CRLS1: variants seen among roughly 807,000 people sequenced by gnomAD.
CRLS1 encodes the protein cardiolipin synthase (CMP-forming).
A neutral mutation model predicts 37.0 loss-of-function variants in CRLS1; 24 were observed. That is an observed-to-expected ratio of 0.65 (90% CI 0.47 to 0.91). The LOEUF is 0.91. CRLS1 is among the 40% of genes least tolerant of loss of function. The probability of loss-of-function intolerance (pLI) is 0.00; values close to 1 mark genes in which losing one functional copy is unlikely to be tolerated. For missense variants in CRLS1, 373 were observed against 395.8 expected (o/e 0.94, Z 0.49); for synonymous variants, 135 against 159.7 (o/e 0.85, Z 1.17).
At chr20:6,035,028 G>C (rs1754275838) in intron 6 of CRLS1, among the ~76,000 whole-genome samples, 1 of 152,178 alleles carries the variant, frequency 6.6e-6, no homozygotes, top group Non-Finnish European at 1.5e-5. Flanking sequence ...TATACTAATT[G>C]CTTATTTATC....
chr20:6,008,871 C>CT (rs1445324761), intron 1 of CRLS1, among the ~76,000 whole-genome samples: 4 of 152,162 alleles, frequency 2.6e-5, no homozygotes, highest in African/African-American at 9.7e-5. Context: ...GACACTTTTA[C>CT]TTGTAAGTAG....
intron 3 of CRLS1, among the ~76,000 whole-genome samples, chr20:6,029,948 T>C (rs1274480130): frequency 1.3e-5 from 2 of 152,220 alleles, no homozygotes; most frequent in African/African-American, 4.8e-5. Context: ...TTTCTTCAGA[T>C]TGCAGAGCCA....
intron 5 of CRLS1, among the ~76,000 whole-genome samples, chr20:6,032,381 T>C (rs1354493244): frequency 6.6e-6 from 1 of 151,640 alleles, no homozygotes. Flanking sequence ...TTTTTTTTTT[T>C]TGAGACAAGG....
intron 2 of CRLS1, among the ~76,000 whole-genome samples, chr20:6,011,571 G>GCCTTTTTTTTTTTTTT (rs201052934): frequency 2.3e-5 from 1 of 42,624 alleles, no homozygotes; most frequent in African/African-American, 6.6e-5. Flanking sequence ...TTTTGTCCCT[G>GCCTTTTTTTTTTTTTT]CTTTTTTTTT....
chr20:6,012,567 C>T (rs1306476120), intron 2 of CRLS1, among the ~76,000 whole-genome samples: 4 of 152,128 alleles, frequency 2.6e-5, no homozygotes, highest in Non-Finnish European at 4.4e-5. Flanking sequence ...AAACCAGGTT[C>T]ATGGAAATGA....
chr20:6,009,710 T>C, intron 1 of CRLS1, 65 bp from the exon 2 acceptor site: 1 of 1,354,444 alleles, frequency 7.4e-7, no homozygotes. Context: ...CTAATGTATG[T>C]ATATAGTTAT....
chr20:6,027,501 A>G (rs769228624), intron 3 of CRLS1, among the ~76,000 whole-genome samples: 16 of 151,722 alleles, frequency 1.1e-4, no homozygotes, highest in Non-Finnish European at 1.8e-4. Context: ...TCTGCCTCCC[A>G]ATAACTTTCA....
Position 6,039,926 on chromosome 20 carries a change from GAT to G in CRLS1, c.*2769_*2770del, listed in dbSNP as rs1980865751. 6.6e-6 allele frequency: 1 copy of G among 152,168 alleles called. No homozygotes were observed. Among genetic ancestry groups the G allele is most frequent in the Non-Finnish European group, 1.5e-5 (1 of 68,020 alleles). 9.4% of individuals were successfully genotyped at this position (152,168 alleles called of 1,614,324 possible). A position where few individuals can be genotyped will look rare whatever the true frequency, so the allele number is the denominator to read the frequency against. On this transcript the variant is annotated 3_prime_UTR_variant, in exon 7 of 7. Coordinates refer to ENST00000378863, the MANE Select transcript of CRLS1 (RefSeq NM_019095.6). ...GAGGAACCAACCCCACTGATGCTTT[GAT>G]TTGGGATTTCCGGCCTGAACTGTAG...
intron 2 of CRLS1, among the ~76,000 whole-genome samples, chr20:6,012,041 T>C (rs79912713): frequency 0.018 from 2,780 of 151,970 alleles, 84 homozygotes; most frequent in African/African-American, 0.062. Flanking sequence ...TTTTTTTTTT[T>C]CTTGTAAGCT....
intron 6 of CRLS1, among the ~76,000 whole-genome samples, chr20:6,036,469 A>T (rs1980557473): frequency 6.6e-6 from 1 of 152,194 alleles, no homozygotes; most frequent in South Asian, 2.1e-4. Context: ...GAATCCGGTT[A>T]AGGGTAGTTT....
At chr20:6,017,538 C>G (rs1907882856) in intron 3 of CRLS1, among the ~76,000 whole-genome samples, 2 of 152,200 alleles carry the variant, frequency 1.3e-5, no homozygotes, top group South Asian at 4.1e-4. Context: ...GTTTGTCTGT[C>G]TTTGCATCAG....
rs748695489 is a variant in CRLS1, at chr20:6,034,480, A to G, written c.746A>G (p.Gln249Arg). 1 of 1,612,546 alleles carries G rather than the reference A, an allele frequency of 6.2e-7. No individual in the cohort carries two copies. Among genetic ancestry groups the G allele is most frequent in the Non-Finnish European group, 8.5e-7 (1 of 1,179,618 alleles). The change falls in exon 6 of 7, where the codon CAG becomes CGG. Residue 249 changes from glutamine (Q) to arginine (R), a missense_variant. Transcript: ENST00000378863. ...TFISKVNTAV[Q>R]LILVAASLAA... ...TTTATTTAGGTGAATACAGCAGTCC[A>G]GTTAATCTTGGTGGCAGCTTCTTTG...
rs568623497 is a variant in CRLS1 at position 6,006,369 on chromosome 20, C to T, written c.123C>T (p.Cys41=). ...CCCTGCTGCCGCCCGTGCCCTGCTGCTTGGGCTGCCTGGCCGAACGCTGGA... is the reference window on the plus strand; with the variant it reads ...CCCTGCTGCCGCCCGTGCCCTGCTGTTTGGGCTGCCTGGCCGAACGCTGGA... ...CWALLPPVPC[C]LGCLAERWRL... is the part of the protein sequence containing the mutation. The change falls in exon 1 of 7, where the codon TGC becomes TGT. Residue 41 remains cysteine, a synonymous_variant. Coordinates refer to ENST00000378863, the MANE Select transcript of CRLS1 (RefSeq NM_019095.6). 816 of 1,405,670 alleles carry T rather than the reference C, an allele frequency of 5.8e-4. 3 individuals carry two copies. The African/African-American group carries it at 9.4e-3, about 16-fold the overall frequency. The allele number at this position is 1,405,670 out of a possible 1,614,324, so 87.1% of individuals were successfully genotyped here. A position where few individuals can be genotyped will look rare whatever the true frequency, so the allele number is the denominator to read the frequency against.
intron 2 of CRLS1, among the ~76,000 whole-genome samples, chr20:6,010,687 C>T (rs2090121067): frequency 6.6e-6 from 1 of 152,150 alleles, no homozygotes; most frequent in East Asian, 1.9e-4. Flanking sequence ...GACTGGCTAG[C>T]CATCATCATG....
At chr20:6,029,248 G>C (rs1979958293) in intron 3 of CRLS1, among the ~76,000 whole-genome samples, 1 of 151,862 alleles carries the variant, frequency 6.6e-6, no homozygotes, top group South Asian at 2.1e-4. Context: ...CTAATGCGCT[G>C]ACCCAAACAT....
intron 3 of CRLS1, among the ~76,000 whole-genome samples, chr20:6,026,691 G>A (rs752505997): frequency 7.9e-5 from 12 of 152,138 alleles, no homozygotes; most frequent in Non-Finnish European, 1.5e-4. Flanking sequence ...CGTAGGCACT[G>A]GGTGCAGGGC....
In CRLS1 at chr20:6,006,546, C is replaced by G. The variant is rs894209329; in HGVS notation, c.300C>G (p.Pro100=). The change falls in exon 1 of 7, where the codon CCC becomes CCG. Residue 100 remains proline, a synonymous_variant. Transcript: ENST00000378863. ...GCCAGTGGGGCCCGGCGAGCACCCC[C>G]AGCCTGGTACGTACCGATGAGGCGG... ...PGGQWGPAST[P]SLYENPWTIP... is the part of the protein sequence containing the mutation. 1.5e-6 allele frequency: 2 copies of G among 1,303,344 alleles called. No individual in the cohort carries two copies. Among genetic ancestry groups the G allele is most frequent in the East Asian group, 3.2e-5 (1 of 31,608 alleles). The allele number at this position is 1,303,344 out of a possible 1,614,324, so 80.7% of individuals were successfully genotyped here. A position where few individuals can be genotyped will look rare whatever the true frequency, so the allele number is the denominator to read the frequency against.
chr20:6,011,672 G>T (rs1978330285), intron 2 of CRLS1, among the ~76,000 whole-genome samples: 2 of 135,324 alleles, frequency 1.5e-5, no homozygotes, highest in African/African-American at 5.5e-5. Flanking sequence ...TGCAGCCTCT[G>T]CCTCTTGGGT....
At chr20:6,006,625 C>G (rs1600340442) in intron 1 of CRLS1, 73 bp downstream of exon 1, 13 of 1,227,288 alleles carry the variant, frequency 1.1e-5, no homozygotes, top group Non-Finnish European at 1.2e-5. Context: ...GTAACAAGCT[C>G]TGGGTGGTGC....
Sources: allele counts gnomAD v4.1 joint callset (sites outside exome capture counted in the v4.1 genomes callset), GRCh38; gene constraint gnomAD v4.1.1; transcripts MANE v1.5; gene names NCBI Gene and HGNC (gene_info 2026-07-23, HGNC 2026-07-21).